The following KIRREL3 variants were observed in gnomAD, a reference collection of about 807,000 sequenced individuals.
KIRREL3 encodes the protein kirre like nephrin family adhesion molecule 3.
Under a neutral mutation model 89.7 loss-of-function variants are expected in KIRREL3, and 36 were observed. The ratio of observed to expected loss-of-function variants is 0.40; its 90% CI spans 0.31 to 0.53. The LOEUF (loss-of-function observed/expected upper bound fraction) is 0.53, where lower values mean the gene tolerates loss of function less well. KIRREL3 is among the 20% of genes least tolerant of loss of function. KIRREL3 has a pLI of 0.49. For synonymous variants in KIRREL3, 445 were observed against 441.4 expected, an observed-to-expected ratio of 1.01 and a Z score of -0.10; for missense variants, 864 against 1,056.6, an observed-to-expected ratio of 0.82 and a Z score of 2.53.
At position 126,454,320 on chromosome 11, in the gene KIRREL3, C is replaced by A. The variant is rs913150759; in HGVS notation, c.848+2029G>T. 6.6e-6 allele frequency among the ~76,000 whole-genome samples: 1 copy of A among 152,128 alleles called. No individual in the cohort carries two copies. The highest frequency in any genetic ancestry group is 1.5e-5 in the Non-Finnish European group (1 of 68,028). On this transcript the variant is annotated intron_variant, in intron 7 of 16. Coordinates refer to ENST00000525144, the MANE Select transcript of KIRREL3 (RefSeq NM_032531.4). This position sits in a 1 kb window ranked among gnomAD's most constrained non-coding sequence, Gnocchi z 5.8. The stretch of plus-strand genomic sequence containing the variant: ...GGGGTGGAGGGGTCAGGTCCCAGGG[C>A]GTGCAGCCCTGCTGTCTGCCCAGCC...
In KIRREL3 at chr11:126,729,248, G is replaced by A. The variant is rs1201964525; in HGVS notation, c.56-166336C>T. 1.3e-5 allele frequency among the ~76,000 whole-genome samples: 2 copies of A among 152,256 alleles called. No individual in the cohort carries two copies. Among genetic ancestry groups the A allele is most frequent in the African/African-American group, 4.8e-5 (2 of 41,468 alleles). ...ACTGTGGCTCAGCCTTTCTTGGGAA[G>A]CAGACTTCTAAGAAACAAGCACGCT... On this transcript the variant is annotated intron_variant, in intron 1 of 16. Transcript: ENST00000525144. The surrounding 1 kb of genome is among the most constrained non-coding windows in gnomAD (Gnocchi z 4.5).
Position 126,687,143 on chromosome 11 carries a change from C to G in KIRREL3, c.56-124231G>C, listed in dbSNP as rs904338205. Among the ~76,000 whole-genome samples the G allele has an allele frequency of 2.0e-5, 3 of 152,158 alleles. No individual in the cohort carries two copies. Among genetic ancestry groups the G allele is most frequent in the Non-Finnish European group, 2.9e-5 (2 of 68,032 alleles). ...CATGAATGGGTGCATCAAAGAACCA[C>G]ACCCCAGAAATAAGCTAAGTAACAC... On this transcript the variant is annotated intron_variant, in intron 1 of 16. Coordinates refer to ENST00000525144, the MANE Select transcript of KIRREL3 (RefSeq NM_032531.4). The surrounding 1 kb of genome is among the most constrained non-coding windows in gnomAD (Gnocchi z 4.6).
At chr11:126,451,283 T>G (rs1313112039) in intron 7 of KIRREL3, among the ~76,000 whole-genome samples, 1 of 149,096 alleles carries the variant, frequency 6.7e-6, no homozygotes, top group African/African-American at 2.5e-5. Flanking sequence ...TGTGCATGTG[T>G]GCGTGTGTGC....
intron 8 of KIRREL3, among the ~76,000 whole-genome samples, chr11:126,448,735 C>T (rs184549499): frequency 6.6e-5 from 10 of 152,340 alleles, no homozygotes; most frequent in African/African-American, 1.7e-4. Flanking sequence ...AAACCCACCA[C>T]GATGGCACCC....
chr11:126,678,370 G>A (rs1946292190), intron 1 of KIRREL3, among the ~76,000 whole-genome samples: 1 of 152,026 alleles, frequency 6.6e-6, no homozygotes, highest in South Asian at 2.1e-4. Context: ...GGAGGCCGAG[G>A]CGGGCAGATC....
Position 126,639,944 on chromosome 11 carries a change from T to C in KIRREL3, c.56-77032A>G, listed in dbSNP as rs1944405859. On this transcript the variant is annotated intron_variant, in intron 1 of 16. Coordinates refer to ENST00000525144, the MANE Select transcript of KIRREL3 (RefSeq NM_032531.4). This position sits in a 1 kb window ranked among gnomAD's most constrained non-coding sequence, Gnocchi z 4.3. Reference sequence around the variant, plus strand: ...AATTGGGAACACTTTAATATAGATATCCATTAACTTATGCTAAATTACAGT... The same window carrying C: ...AATTGGGAACACTTTAATATAGATACCCATTAACTTATGCTAAATTACAGT... 6.6e-6 allele frequency among the ~76,000 whole-genome samples: 1 copy of C among 152,188 alleles called. No individual in the cohort carries two copies. The highest frequency in any genetic ancestry group is 6.5e-5 in the Admixed American group (1 of 15,290).
Position 126,491,483 on chromosome 11 carries a change from G to A in KIRREL3, c.434-18017C>T, listed in dbSNP as rs1957513158. ...ATCCTGGTTCTCTGCTCCCATCTGG[G>A]CCAGACTGTTGGACTCCAGTGTTGT... On this transcript the variant is annotated intron_variant, in intron 4 of 16. Transcript: ENST00000525144. The surrounding 1 kb of genome is among the most constrained non-coding windows in gnomAD (Gnocchi z 5.5). Among the ~76,000 whole-genome samples the A allele has an allele frequency of 6.6e-6, 1 of 152,090 alleles. No individual in the cohort carries two copies. The highest frequency in any genetic ancestry group is 2.4e-5 in the African/African-American group (1 of 41,404).
chr11:126,742,686 TC>T lies in KIRREL3; in HGVS notation c.56-179775del, dbSNP rs1949020402. Among the ~76,000 whole-genome samples, 1 of 152,172 alleles carries T rather than the reference TC, an allele frequency of 6.6e-6. No individual in the cohort carries two copies. The highest frequency in any genetic ancestry group is 2.4e-5 in the African/African-American group (1 of 41,442). Reference sequence around the variant, plus strand: ...GTCTAACTCCGAATTTTATTTTCTCTCAAATATATATCACCTAGCAGCTAAG... The same window carrying T: ...GTCTAACTCCGAATTTTATTTTCTCTAAATATATATCACCTAGCAGCTAAG... On this transcript the variant is annotated intron_variant, in intron 1 of 16. Coordinates refer to ENST00000525144, the MANE Select transcript of KIRREL3 (RefSeq NM_032531.4). The surrounding 1 kb of genome is among the most constrained non-coding windows in gnomAD (Gnocchi z 5.3).
chr11:126,905,076 G>A lies in KIRREL3; in HGVS notation c.55+95379C>T, dbSNP rs542191177. Among the ~76,000 whole-genome samples, 100 of 152,284 alleles carry A rather than the reference G, an allele frequency of 6.6e-4. No homozygotes were observed. Among genetic ancestry groups the A allele is most frequent in the African/African-American group, 1.5e-3 (62 of 41,558 alleles). ...CATTCCCTGGTTTGGCAAAAAGGGC[G>A]ACATGATGGTTGGTGTCTATGAAGA... is the stretch of plus-strand genomic sequence containing the variant. On this transcript the variant is annotated intron_variant, in intron 1 of 16. Coordinates refer to ENST00000525144, the MANE Select transcript of KIRREL3 (RefSeq NM_032531.4). This position sits in a 1 kb window ranked among gnomAD's most constrained non-coding sequence, Gnocchi z 5.0.
In KIRREL3 at chr11:126,684,851, G is replaced by T. The variant is rs951528237; in HGVS notation, c.56-121939C>A. Among the ~76,000 whole-genome samples, 3 of 152,218 alleles carry T rather than the reference G, an allele frequency of 2.0e-5. No individual in the cohort carries two copies. Among genetic ancestry groups the T allele is most frequent in the East Asian group, 3.9e-4 (2 of 5,172 alleles). On this transcript the variant is annotated intron_variant, in intron 1 of 16. Transcript: ENST00000525144. This position sits in a 1 kb window ranked among gnomAD's most constrained non-coding sequence, Gnocchi z 4.2. ...AGGTAGTGTTGGCTTGGACCACAGC[G>T]GGAGGGACCTGGGAAGAGGGAGAAG... is the stretch of plus-strand genomic sequence containing the variant.
In KIRREL3 at chr11:126,455,127, A is replaced by G. The variant is rs111850489; in HGVS notation, c.848+1222T>C. On this transcript the variant is annotated intron_variant, in intron 7 of 16. Coordinates refer to ENST00000525144, the MANE Select transcript of KIRREL3 (RefSeq NM_032531.4). This position sits in a 1 kb window ranked among gnomAD's most constrained non-coding sequence, Gnocchi z 6.4. ...CCATTAACATCCTTGGCCTTTGCAG[A>G]TGCTGCAGCTTAATGGCCGAGATCA... Among the ~76,000 whole-genome samples, 140 of 152,256 alleles carry G rather than the reference A, an allele frequency of 9.2e-4. No homozygotes were observed. Among genetic ancestry groups the G allele is most frequent in the Admixed American group, 2.1e-3 (32 of 15,302 alleles).
chr11:126,735,105 G>A (rs1022389394), intron 1 of KIRREL3, among the ~76,000 whole-genome samples: 10 of 152,198 alleles, frequency 6.6e-5, no homozygotes, highest in East Asian at 3.8e-4. Context: ...ACTGGAACTC[G>A]GGGCTAGGAG....
chr11:126,502,935 G>A (rs1372232654), intron 4 of KIRREL3, among the ~76,000 whole-genome samples: 4 of 152,288 alleles, frequency 2.6e-5, no homozygotes, highest in African/African-American at 9.6e-5. Flanking sequence ...GGTGGGGTGA[G>A]CTGGTGTGCG....
chr11:126,674,833 T>G (rs935679948), intron 1 of KIRREL3, among the ~76,000 whole-genome samples: 6 of 152,082 alleles, frequency 3.9e-5, no homozygotes, highest in Admixed American at 6.5e-5. Flanking sequence ...TCCCTCAGCC[T>G]GGGCCAGCCA....
intron 1 of KIRREL3, among the ~76,000 whole-genome samples, chr11:126,855,532 G>T (rs554417686): frequency 1.1e-4 from 16 of 152,302 alleles, no homozygotes; most frequent in African/African-American, 1.4e-4. Flanking sequence ...ATGTGAGAAT[G>T]AACTAATACA....
At chr11:126,588,877 G>A (rs1482830711) in intron 1 of KIRREL3, among the ~76,000 whole-genome samples, 1 of 152,170 alleles carries the variant, frequency 6.6e-6, no homozygotes, top group Non-Finnish European at 1.5e-5. Flanking sequence ...GCTGAGGTGG[G>A]AAGAAGGTGG....
At chr11:126,815,568 C>G (rs1359453365) in intron 1 of KIRREL3, among the ~76,000 whole-genome samples, 1 of 152,168 alleles carries the variant, frequency 6.6e-6, no homozygotes, top group Non-Finnish European at 1.5e-5. Flanking sequence ...GAGTCTCCCT[C>G]TGTCGCCCAG....
chr11:126,894,098 C>T (rs12275052), intron 1 of KIRREL3, among the ~76,000 whole-genome samples: 13,279 of 152,254 alleles, frequency 0.087, 1,877 homozygotes, highest in African/African-American at 0.3. Flanking sequence ...CCACCTCGTC[C>T]TGTTGGGGTG....
rs1948415927 is a variant in KIRREL3, at chr11:126,940,808, C to T, written c.55+59647G>A. 1.3e-5 allele frequency: 2 copies of T among 149,562 alleles called. No homozygotes were observed. Among genetic ancestry groups the T allele is most frequent in the African/African-American group, 4.9e-5 (2 of 40,688 alleles). 9.3% of individuals were successfully genotyped at this position (149,562 alleles called of 1,614,324 possible). ...GCAGTAATTCTTTTTTCTTTTCTTT[C>T]TTTTTTTTTTCTTTTGGTGTAACAG... On this transcript the variant is annotated intron_variant, in intron 1 of 16. Coordinates refer to ENST00000525144, the MANE Select transcript of KIRREL3 (RefSeq NM_032531.4). This position sits in a 1 kb window ranked among gnomAD's most constrained non-coding sequence, Gnocchi z 4.6.
Sources: gnomAD v4.1 joint callset for allele counts (sites outside exome capture counted in the v4.1 genomes callset) on GRCh38, gnomAD v4.1.1 for gene constraint, Gnocchi (gnomAD v3.1) non-coding constraint, MANE v1.5 for transcripts, NCBI Gene and HGNC (gene_info 2026-07-23, HGNC 2026-07-21) for gene names.